Variants in AFF3 observed in about 807,000 individuals in gnomAD.
AFF3 encodes the protein AF4/FMR2 family member 3.
A neutral mutation model predicts 129.7 loss-of-function variants in AFF3; 32 were observed. The ratio of observed to expected loss-of-function variants is 0.25; its 90% CI spans 0.19 to 0.33. The LOEUF (loss-of-function observed/expected upper bound fraction) is 0.33, where lower values mean the gene tolerates loss of function less well. AFF3 is among the 10% of genes least tolerant of loss of function. The pLI, the probability that AFF3 is intolerant of heterozygous loss-of-function variation, is 1.00. For missense variants in AFF3, 1,373 were observed against 1,592.0 expected, an observed-to-expected ratio of 0.86 and a Z score of 2.34; for synonymous variants, 644 against 635.4, an observed-to-expected ratio of 1.01 and a Z score of -0.20.
intron 4 of AFF3, among the ~76,000 whole-genome samples, chr2:100,065,967 A>C (rs1687689298): frequency 6.6e-6 from 1 of 152,218 alleles, no homozygotes; most frequent in Non-Finnish European, 1.5e-5. Context: ...TACAGCTCAC[A>C]CTTATAAATC....
At chr2:99,900,963 AG>A (rs1163975594) in intron 7 of AFF3, among the ~76,000 whole-genome samples, 11 of 152,250 alleles carry the variant, frequency 7.2e-5, no homozygotes, top group African/African-American at 2.7e-4. Flanking sequence ...CCGCAAGTGC[AG>A]GATTAGCCAC....
intron 2 of AFF3, among the ~76,000 whole-genome samples, chr2:100,127,604 T>C (rs1692251727): frequency 6.6e-6 from 1 of 152,172 alleles, no homozygotes; most frequent in Non-Finnish European, 1.5e-5. Context: ...AATGTTTGAA[T>C]AAACAACCCC....
At chr2:99,698,710 G>A (rs1050410568) in intron 11 of AFF3, among the ~76,000 whole-genome samples, 9 of 152,200 alleles carry the variant, frequency 5.9e-5, no homozygotes, top group African/African-American at 2.2e-4. Flanking sequence ...TGGATTCACA[G>A]GCACTCAGTG....
At chr2:99,581,581 C>G (rs1677551738) in intron 17 of AFF3, among the ~76,000 whole-genome samples, 1 of 151,010 alleles carries the variant, frequency 6.6e-6, no homozygotes, top group African/African-American at 2.4e-5. Flanking sequence ...TGCAGTGGTG[C>G]AATCTCGGCT....
chr2:100,110,759 G>T (rs182029063), intron 2 of AFF3, among the ~76,000 whole-genome samples: 21 of 152,274 alleles, frequency 1.4e-4, no homozygotes, highest in Non-Finnish European at 1.5e-5. Flanking sequence ...CAGCAGACAC[G>T]GCTGGCTGCC....
chr2:100,078,925 C>A (rs1688813731), intron 4 of AFF3, among the ~76,000 whole-genome samples: 1 of 149,996 alleles, frequency 6.7e-6, no homozygotes, highest in Non-Finnish European at 1.5e-5. Context: ...TTTATTGGGG[C>A]TCCTTTGCTG....
intron 4 of AFF3, among the ~76,000 whole-genome samples, chr2:100,041,273 A>G (rs1685405906): frequency 6.6e-6 from 1 of 152,252 alleles, no homozygotes; most frequent in Non-Finnish European, 1.5e-5. Flanking sequence ...TTCCTCACTC[A>G]TAAGTAAAGA....
At chr2:99,644,348 CCT>C (rs147096331) in intron 13 of AFF3, among the ~76,000 whole-genome samples, 10,209 of 152,172 alleles carry the variant, frequency 0.067, 425 homozygotes, top group East Asian at 0.12. Context: ...TTTGCTCGTT[CCT>C]CTCTCTTTTT....
chr2:99,842,053 G>T (rs749869747), intron 7 of AFF3, among the ~76,000 whole-genome samples: 6 of 152,156 alleles, frequency 3.9e-5, no homozygotes, highest in Non-Finnish European at 8.8e-5. Flanking sequence ...AGGGGAAGTA[G>T]AGAGAAAAAG....
intron 12 of AFF3, among the ~76,000 whole-genome samples, chr2:99,656,173 A>C (rs1333493841): frequency 6.6e-6 from 1 of 152,236 alleles, no homozygotes; most frequent in Non-Finnish European, 1.5e-5. Context: ...ATTAAATGCC[A>C]ATTAAGTAAG....
chr2:100,049,116 C>G (rs1427415270), intron 4 of AFF3, among the ~76,000 whole-genome samples: 1 of 152,152 alleles, frequency 6.6e-6, no homozygotes, highest in African/African-American at 2.4e-5. Context: ...CACCTGGTCT[C>G]AAAAGATCAC....
At chr2:99,837,593 T>C (rs1386377069) in intron 7 of AFF3, 69 bp from the exon 8 acceptor site, 15 of 1,449,520 alleles carry the variant, frequency 1.0e-5, no homozygotes, top group Admixed American at 9.1e-5. Flanking sequence ...ACATGCAAGG[T>C]TCCAAATTAG....
chr2:99,873,368 A>T (rs751624097), intron 7 of AFF3, among the ~76,000 whole-genome samples: 3 of 152,168 alleles, frequency 2.0e-5, no homozygotes, highest in Non-Finnish European at 4.4e-5. Flanking sequence ...CATCTATCTA[A>T]TGTATTATCA....
chr2:99,744,065 T>C, intron 10 of AFF3, 39 bp downstream of exon 10: 11 of 935,878 alleles, frequency 1.2e-5, no homozygotes, highest in Non-Finnish European at 1.6e-5. Flanking sequence ...CCCCACCCCC[T>C]GCTCCCCAGA....
At chr2:99,766,762 T>C (rs1011684079) in intron 8 of AFF3, among the ~76,000 whole-genome samples, 7 of 152,106 alleles carry the variant, frequency 4.6e-5, no homozygotes, top group African/African-American at 1.4e-4. Flanking sequence ...TGCTTATCCA[T>C]TGGGAAAAGA....
chr2:100,063,301 T>G (rs1242902712), intron 4 of AFF3, among the ~76,000 whole-genome samples: 2 of 146,918 alleles, frequency 1.4e-5, no homozygotes, highest in African/African-American at 5.0e-5. Flanking sequence ...CTTTGCAAAC[T>G]GAAAAGAGCT....
At chr2:100,101,061 C>A (rs1690688206) in intron 4 of AFF3, among the ~76,000 whole-genome samples, 1 of 152,088 alleles carries the variant, frequency 6.6e-6, no homozygotes, top group African/African-American at 2.4e-5. Context: ...AAATTAGGGC[C>A]ATCCTTTTCA....
At chr2:99,824,578 G>T (rs1329668108) in intron 8 of AFF3, among the ~76,000 whole-genome samples, 1 of 152,194 alleles carries the variant, frequency 6.6e-6, no homozygotes, top group East Asian at 1.9e-4. Flanking sequence ...GGAATCCAGG[G>T]GAGAGAGAAA....
At chr2:100,107,745 A>G (rs1263034038) in intron 2 of AFF3, among the ~76,000 whole-genome samples, 1 of 152,170 alleles carries the variant, frequency 6.6e-6, no homozygotes, top group Non-Finnish European at 1.5e-5. Context: ...AATCCTGCTC[A>G]GTCTGGGGCC....
Sources: allele counts gnomAD v4.1 joint callset (sites outside exome capture counted in the v4.1 genomes callset), GRCh38; gene constraint gnomAD v4.1.1; transcripts MANE v1.5; gene names NCBI Gene and HGNC (gene_info 2026-07-23, HGNC 2026-07-21).